Variants in CD84 observed in about 807,000 individuals in gnomAD.
CD84 encodes the protein SLAM family member 5.
A neutral mutation model predicts 33.8 loss-of-function variants in CD84; 22 were observed. That is an observed-to-expected ratio of 0.65 (90% CI 0.46 to 0.93). The LOEUF (loss-of-function observed/expected upper bound fraction) is 0.93, where lower values mean the gene tolerates loss of function less well. CD84 is among the 40% of genes least tolerant of loss of function. The pLI is 0.00. For synonymous variants in CD84, 154 were observed against 145.2 expected (o/e 1.06, Z -0.44); for missense variants, 400 against 397.6 (o/e 1.01, Z -0.05).
At chr1:160,565,872 C>A in intron 1 of CD84, 127 bp from the exon 2 acceptor site, 1 of 586,512 alleles carries the variant, frequency 1.7e-6, no homozygotes, top group Non-Finnish European at 2.8e-6. Context: ...TTGAGGATGC[C>A]TTTTTTTTTT....
At position 160,575,257 on chromosome 1, in the gene CD84, G is replaced by A. The variant is rs1315403678; in HGVS notation, c.46+4135C>T. On this transcript the variant is annotated intron_variant, in intron 1 of 6. Transcript: ENST00000368054. ...TAGCTTTAGCATGTGGTGCCCAAAA[G>A]AGAGTCCATTATAACTGCTCACACT... Among the ~76,000 whole-genome samples, 34 of 152,092 alleles carry A rather than the reference G, an allele frequency of 2.2e-4. 1 individual carries two copies. The highest frequency in any genetic ancestry group is 1.5e-5 in the Non-Finnish European group (1 of 68,018).
In CD84 at chr1:160,546,958, T is replaced by C. The variant is rs1655865374; in HGVS notation, c.*1298A>G. The C allele has an allele frequency of 2.5e-6, 1 of 394,650 alleles. No individual in the cohort carries two copies. 24.4% of individuals were successfully genotyped at this position (394,650 alleles called of 1,614,324 possible). A position where few individuals can be genotyped will look rare whatever the true frequency, so the allele number is the denominator to read the frequency against. On this transcript the variant is annotated 3_prime_UTR_variant, in exon 7 of 7. Transcript: ENST00000368054. ...TCTTTATCTGCCTAATTGCAGCCCA[T>C]TGCTGTCCAGCCTAGGACTATTCAT...
At chr1:160,555,590 A>G (rs986761821) in intron 2 of CD84, among the ~76,000 whole-genome samples, 1 of 152,202 alleles carries the variant, frequency 6.6e-6, no homozygotes, top group Admixed American at 6.5e-5. Context: ...GATAGCTAGG[A>G]CTGGAGCTGG....
chr1:160,564,828 T>C (rs1286182532), intron 2 of CD84, among the ~76,000 whole-genome samples: 1 of 152,194 alleles, frequency 6.6e-6, no homozygotes, highest in Non-Finnish European at 1.5e-5. Flanking sequence ...TTGATTATGG[T>C]AGTGGTTACA....
intron 1 of CD84, among the ~76,000 whole-genome samples, 171 bp from the exon 2 acceptor site, chr1:160,565,916 T>G (rs1657298374): frequency 1.3e-5 from 2 of 152,102 alleles, no homozygotes; most frequent in African/African-American, 4.8e-5. Context: ...TTTAATATGT[T>G]ATGACAACTA....
intron 1 of CD84, among the ~76,000 whole-genome samples, chr1:160,576,734 C>T (rs1001801166): frequency 7.9e-5 from 12 of 152,088 alleles, no homozygotes; most frequent in African/African-American, 2.9e-4. Context: ...CTCTGTGTAT[C>T]AATGCTTTCA....
At chr1:160,551,266 C>T in intron 4 of CD84, 1 of 475,916 alleles carries the variant, frequency 2.1e-6, no homozygotes, top group Middle Eastern at 5.9e-4. Context: ...CAGATTAGGC[C>T]AAAGACAATT....
intron 1 of CD84, among the ~76,000 whole-genome samples, chr1:160,568,599 G>A (rs1250590955): frequency 6.6e-6 from 1 of 152,054 alleles, no homozygotes; most frequent in African/African-American, 2.4e-5. Flanking sequence ...CCTTAACGAG[G>A]TCACAAAACC....
intron 1 of CD84, among the ~76,000 whole-genome samples, chr1:160,567,789 G>A (rs1657421246): frequency 6.6e-6 from 1 of 152,154 alleles, no homozygotes; most frequent in African/African-American, 2.4e-5. Context: ...ATTCTTCCCA[G>A]ATAAACTGTT....
intron 2 of CD84, among the ~76,000 whole-genome samples, chr1:160,559,609 A>T (rs1427113599): frequency 6.6e-6 from 1 of 152,216 alleles, no homozygotes; most frequent in Non-Finnish European, 1.5e-5. Flanking sequence ...TAATGATGAC[A>T]CGATCAAATT....
Position 160,565,730 on chromosome 1 carries a change from C to G in CD84, c.62G>C (p.Gly21Ala), listed in dbSNP as rs1557980411. The G allele has an allele frequency of 1.2e-6, 2 of 1,607,024 alleles. No homozygotes were observed. The highest frequency in any genetic ancestry group is 1.7e-6 in the Non-Finnish European group (2 of 1,176,478). Residue 21 changes from glycine to alanine, a missense_variant, in exon 2 of 7, where the codon GGA (glycine) becomes GCA (alanine). By Grantham distance (60) the Gly-to-Ala change is moderately conservative (BLOSUM62 0). Transcript: ENST00000368054. ...LCLQTWPEAA[G>A]KDSEIFTVNG... The stretch of plus-strand genomic sequence containing the variant: ...CACTGTGAAGATTTCTGAGTCTTTT[C>G]CAGCTGCTTCCGGCCCTGAGAACAT...
chr1:160,567,658 A>G (rs1364145409), intron 1 of CD84, among the ~76,000 whole-genome samples: 1 of 152,202 alleles, frequency 6.6e-6, no homozygotes, highest in Non-Finnish European at 1.5e-5. Flanking sequence ...AAGACAATAC[A>G]ACACGATGAG....
At chr1:160,564,939 G>C (rs950758082) in intron 2 of CD84, among the ~76,000 whole-genome samples, 1 of 152,206 alleles carries the variant, frequency 6.6e-6, no homozygotes, top group African/African-American at 2.4e-5. Flanking sequence ...TCTATAGATT[G>C]TGCTAATGTC....
At position 160,579,489 on chromosome 1, in the gene CD84, G is replaced by A. The variant is rs1658168488; in HGVS notation, c.-52C>T. ...AAAAGCACGGCACTGTTCTAGCAGA[G>A]TCAGTTTCACTTGAGTTTTCTTCCT... On this transcript the variant is annotated 5_prime_UTR_variant, in exon 1 of 7. Coordinates refer to ENST00000368054, the MANE Select transcript of CD84 (RefSeq NM_003874.4). 6.3e-7 allele frequency: 1 copy of A among 1,595,758 alleles called. No individual in the cohort carries two copies. Among genetic ancestry groups the A allele is most frequent in the Admixed American group, 1.8e-5 (1 of 56,612 alleles).
chr1:160,573,845 G>T (rs778309829), intron 1 of CD84, among the ~76,000 whole-genome samples: 1 of 152,010 alleles, frequency 6.6e-6, no homozygotes, highest in African/African-American at 2.4e-5. Context: ...GTTCCTCCAA[G>T]AACTAGTGGA....
intron 2 of CD84, among the ~76,000 whole-genome samples, chr1:160,560,265 C>T (rs548075690): frequency 1.4e-4 from 21 of 152,068 alleles, no homozygotes; most frequent in Middle Eastern, 6.8e-3. Context: ...TCAGCAAACG[C>T]GAAAGACCTG....
At chr1:160,560,724 T>C (rs1192248694) in intron 2 of CD84, among the ~76,000 whole-genome samples, 5 of 149,766 alleles carry the variant, frequency 3.3e-5, no homozygotes, top group Non-Finnish European at 7.4e-5. Context: ...TTTGAAAAAA[T>C]GAGAAAAATA....
rs1656422272 is a variant in CD84, at chr1:160,553,938, G to C, written c.597C>G (p.Val199=). 1.9e-6 allele frequency: 3 copies of C among 1,614,224 alleles called. No individual in the cohort carries two copies. In the East Asian group the frequency reaches 6.7e-5, roughly 36 times the overall value. The change falls in exon 3 of 7, where the codon GTC becomes GTG. Residue 199 remains valine, a synonymous_variant. Transcript: ENST00000368054. ...CAGAGATGGAGTCAGAATTGTTGCT[G>C]ACAGGGTTCTGGGCTGTACACGTGT... ...LTYTCTAQNP[V]SNNSDSISAR...
At chr1:160,548,389 G>T in intron 6 of CD84, 68 bp from the exon 7 acceptor site, 1 of 1,547,792 alleles carries the variant, frequency 6.5e-7, no homozygotes, top group Non-Finnish European at 8.9e-7. Flanking sequence ...AGTCCTGCAA[G>T]TTCCCAGAGG....
Sources: allele counts gnomAD v4.1 joint callset (sites outside exome capture counted in the v4.1 genomes callset), GRCh38; gene constraint gnomAD v4.1.1; transcripts MANE v1.5; gene names NCBI Gene and HGNC (gene_info 2026-07-23, HGNC 2026-07-21).